MCTP1: variants seen among roughly 807,000 people sequenced by gnomAD.
The protein encoded by MCTP1 is multiple C2 and transmembrane domain-containing protein 1.
In MCTP1, 69 loss-of-function variants were observed where a neutral mutation model predicts 120.6. That is an observed-to-expected ratio of 0.57 (90% confidence interval 0.47 to 0.70). MCTP1 has a LOEUF of 0.70. Among genes scored for constraint, MCTP1 ranks in the 30% least tolerant of loss-of-function variants. The probability of loss-of-function intolerance (pLI) is 0.00; values close to 1 mark genes in which losing one functional copy is unlikely to be tolerated. For missense variants in MCTP1, 1,203 were observed against 1,248.8 expected (o/e 0.96, Z 0.55); for synonymous variants, 529 against 493.1 (o/e 1.07, Z -0.96).
intron 1 of MCTP1, among the ~76,000 whole-genome samples, chr5:95,052,338 T>C (rs985712995): frequency 6.6e-6 from 1 of 152,198 alleles, no homozygotes; most frequent in Admixed American, 6.5e-5. Context: ...TAGTGAATCA[T>C]TCAGACTCTT....
intron 1 of MCTP1, among the ~76,000 whole-genome samples, chr5:95,018,708 CT>C (rs1470494365): frequency 1.3e-5 from 2 of 152,044 alleles, no homozygotes; most frequent in African/African-American, 2.4e-5. Context: ...CTAGAAATCG[CT>C]GAGCCATCTT....
rs74854971 is a variant in MCTP1 at position 94,776,460 on chromosome 5, G to A, written c.2610+2650C>T. The stretch of plus-strand genomic sequence containing the variant: ...TACCCCATTTACCCCCAAGTCCAAA[G>A]GTTATAGGACTAATAGCTGCCTTGT... On this transcript the variant is annotated intron_variant, in intron 19 of 22. Transcript: ENST00000515393. 3.8e-3 allele frequency among the ~76,000 whole-genome samples: 584 copies of A among 152,232 alleles called. 2 individuals carry two copies. The highest frequency in any genetic ancestry group is 7.0e-3 in the Non-Finnish European group (474 of 68,014).
intron 1 of MCTP1, among the ~76,000 whole-genome samples, chr5:95,077,985 G>T: frequency 3.8e-5 from 1 of 26,258 alleles, no homozygotes; most frequent in Non-Finnish European, 1.6e-4. Flanking sequence ...CATGAGTCAT[G>T]ACTCAACAGA....
At chr5:94,960,030 C>T (rs1239285374) in intron 2 of MCTP1, among the ~76,000 whole-genome samples, 1 of 152,160 alleles carries the variant, frequency 6.6e-6, no homozygotes, top group Non-Finnish European at 1.5e-5. Flanking sequence ...CACTACAAGG[C>T]TACAGTAACC....
chr5:95,149,052 G>A (rs1760662151), intron 1 of MCTP1, among the ~76,000 whole-genome samples: 2 of 152,178 alleles, frequency 1.3e-5, no homozygotes, highest in South Asian at 4.1e-4. Flanking sequence ...CAGGTCTTTT[G>A]TATTCCAGTG....
chr5:95,275,328 AG>A (rs1319397272), intron 1 of MCTP1, among the ~76,000 whole-genome samples: 1 of 152,252 alleles, frequency 6.6e-6, no homozygotes, highest in Non-Finnish European at 1.5e-5. Flanking sequence ...TAAAGAATCT[AG>A]AAGCTCTGGC....
intron 2 of MCTP1, among the ~76,000 whole-genome samples, chr5:94,955,156 T>G (rs188082876): frequency 5.3e-5 from 8 of 152,236 alleles, no homozygotes; most frequent in Non-Finnish European, 8.8e-5. Context: ...ACCCAGGAAG[T>G]GCAAGGGTTC....
chr5:95,253,092 C>G (rs961795101), intron 1 of MCTP1, among the ~76,000 whole-genome samples: 1 of 151,992 alleles, frequency 6.6e-6, no homozygotes, highest in Non-Finnish European at 1.5e-5. Context: ...GGAAAGAGTA[C>G]TTGGTATGTT....
At chr5:94,847,682 G>GTGTATA (rs1169588105) in intron 17 of MCTP1, among the ~76,000 whole-genome samples, 71 of 102,398 alleles carry the variant, frequency 6.9e-4, no homozygotes, top group African/African-American at 2.0e-3. Context: ...GTGTGTGTGT[G>GTGTATA]TATATATATA....
chr5:95,002,156 C>T (rs1442569269), intron 2 of MCTP1, among the ~76,000 whole-genome samples: 1 of 152,182 alleles, frequency 6.6e-6, no homozygotes, highest in Non-Finnish European at 1.5e-5. Context: ...AGAACCTCCA[C>T]CTAGATTTCA....
At chr5:94,831,127 G>T (rs1246503470) in intron 17 of MCTP1, among the ~76,000 whole-genome samples, 2 of 152,198 alleles carry the variant, frequency 1.3e-5, no homozygotes, top group Non-Finnish European at 2.9e-5. Flanking sequence ...GCAGGGTCAA[G>T]AACTCAACAC....
At chr5:94,991,043 G>A (rs1831460408) in intron 2 of MCTP1, among the ~76,000 whole-genome samples, 1 of 152,182 alleles carries the variant, frequency 6.6e-6, no homozygotes, top group Non-Finnish European at 1.5e-5. Context: ...TAGATCAGAA[G>A]CATAGGAGAA....
intron 1 of MCTP1, among the ~76,000 whole-genome samples, chr5:95,174,772 T>A (rs1747767766): frequency 6.6e-6 from 1 of 152,220 alleles, no homozygotes; most frequent in South Asian, 2.1e-4. Flanking sequence ...AAGTACTCAA[T>A]AAACTGTTAA....
At chr5:94,856,132 C>T (rs1794690558) in intron 17 of MCTP1, among the ~76,000 whole-genome samples, 1 of 151,672 alleles carries the variant, frequency 6.6e-6, no homozygotes, top group Non-Finnish European at 1.5e-5. Flanking sequence ...AACACTATGA[C>T]ATTTTTATTA....
At chr5:94,920,518 A>G (rs1035857793) in intron 7 of MCTP1, among the ~76,000 whole-genome samples, 6 of 151,954 alleles carry the variant, frequency 3.9e-5, no homozygotes, top group Non-Finnish European at 1.5e-5. Context: ...CGAGGCGGGC[A>G]GATCACGAGG....
In MCTP1 at chr5:94,880,314, T is replaced by C. The variant is rs151037336; in HGVS notation, c.1934-7073A>G. On this transcript the variant is annotated intron_variant, in intron 12 of 22. Coordinates refer to ENST00000515393, the MANE Select transcript of MCTP1 (RefSeq NM_024717.7). ...GATACTTTAGGACTTATAGTAAATA[T>C]ATACTCAATTAGACCTTCCTGCAGA... Among the ~76,000 whole-genome samples the C allele has an allele frequency of 2.6e-3, 403 of 152,266 alleles. 3 individuals carry two copies. Among genetic ancestry groups the C allele is most frequent in the African/African-American group, 8.9e-3 (372 of 41,570 alleles).
At chr5:95,271,087 A>G (rs1759353993) in intron 1 of MCTP1, among the ~76,000 whole-genome samples, 1 of 152,226 alleles carries the variant, frequency 6.6e-6, no homozygotes, top group African/African-American at 2.4e-5. Context: ...AATACAAATG[A>G]AATTATCTGA....
intron 17 of MCTP1, among the ~76,000 whole-genome samples, chr5:94,834,602 G>A (rs1789282684): frequency 6.6e-6 from 1 of 152,032 alleles, no homozygotes; most frequent in Non-Finnish European, 1.5e-5. Flanking sequence ...AAATAACCAG[G>A]AACAGTAGGC....
chr5:95,064,921 A>G (rs1750198656), intron 1 of MCTP1, among the ~76,000 whole-genome samples: 1 of 152,240 alleles, frequency 6.6e-6, no homozygotes, highest in African/African-American at 2.4e-5. Flanking sequence ...TAGCTGACCT[A>G]TGAAGAGTTC....
Sources: gnomAD v4.1 joint callset for allele counts (sites outside exome capture counted in the v4.1 genomes callset) on GRCh38, gnomAD v4.1.1 for gene constraint, MANE v1.5 for transcripts, NCBI Gene and HGNC (gene_info 2026-07-23, HGNC 2026-07-21) for gene names.